The following IQCH variants were observed in gnomAD, a reference collection of about 807,000 sequenced individuals.
IQCH encodes the protein IQ motif containing H, also known as IQ domain-containing protein H.
In IQCH, 98 loss-of-function variants were observed where a neutral mutation model predicts 117.0. The observed-to-expected ratio is 0.84, with a 90% CI of 0.71 to 0.99. The LOEUF is 0.99. IQCH is among the 50% of genes least tolerant of loss of function. The probability of loss-of-function intolerance (pLI) is 0.00; values close to 1 mark genes in which losing one functional copy is unlikely to be tolerated. For synonymous variants in IQCH, 412 were observed against 448.2 expected, an observed-to-expected ratio of 0.92 and a Z score of 1.02; for missense variants, 1,102 against 1,243.8, an observed-to-expected ratio of 0.89 and a Z score of 1.72.
chr15:67,451,332 A>T (rs907360878), intron 16 of IQCH, among the ~76,000 whole-genome samples: 6 of 151,434 alleles, frequency 4.0e-5, no homozygotes, highest in African/African-American at 1.5e-4. Context: ...TCAATTTTAG[A>T]TCTTTCCTGC....
At chr15:67,256,637 C>G (rs1336088827) in intron 1 of IQCH, among the ~76,000 whole-genome samples, 1 of 152,040 alleles carries the variant, frequency 6.6e-6, no homozygotes, top group Non-Finnish European at 1.5e-5. Flanking sequence ...CTGCACATAC[C>G]CACTCTTTTT....
chr15:67,389,148 T>C, intron 12 of IQCH, 142 bp downstream of exon 12: 1 of 655,354 alleles, frequency 1.5e-6, no homozygotes, highest in East Asian at 2.7e-5. Context: ...TACTAGTTGG[T>C]CTGTAGGAAA....
chr15:67,286,176 T>A lies in IQCH; in HGVS notation c.387+6664T>A, dbSNP rs117324529. Among the ~76,000 whole-genome samples, 461 of 152,334 alleles carry A rather than the reference T, an allele frequency of 3.0e-3. 18 individuals carry two copies. The East Asian group carries it at 0.079, about 26-fold the overall frequency. ...CATCTTTTATTAATTCCTGGATATT[T>A]AATTTTACTTGTAGCTATTGTAAAT... On this transcript the variant is annotated intron_variant, in intron 4 of 20. Coordinates refer to ENST00000335894, the MANE Select transcript of IQCH (RefSeq NM_001031715.3).
intron 4 of IQCH, among the ~76,000 whole-genome samples, chr15:67,294,263 T>A (rs901652939): frequency 6.6e-6 from 1 of 152,224 alleles, no homozygotes; most frequent in African/African-American, 2.4e-5. Context: ...TGTCTTATTG[T>A]CTTTTCCTTC....
Position 67,395,293 on chromosome 15 carries a change from G to T in IQCH, c.1635G>T (p.Lys545Asn), listed in dbSNP as rs1466465178. 1.2e-6 allele frequency: 2 copies of T among 1,609,218 alleles called. No individual in the cohort carries two copies. Among genetic ancestry groups the T allele is most frequent in the Non-Finnish European group, 1.7e-6 (2 of 1,176,554 alleles). The change falls in exon 13 of 21, where the codon AAG (lysine) becomes AAT (asparagine). Residue 545 changes from lysine (K) to asparagine (N), a missense_variant and splice_region_variant. Physicochemically the swap from Lys to Asn is moderately conservative, Grantham distance 94. Around this residue, in one of 2 missense-constraint regions of IQCH, gnomAD observed 650 missense variants for 794.3 expected, o/e 0.82. Coordinates refer to ENST00000335894, the MANE Select transcript of IQCH (RefSeq NM_001031715.3). The surrounding 1 kb of genome is among the most constrained non-coding windows in gnomAD (Gnocchi z 4.0). ...AGAATAATATGATCTTCCCCCAGAA[G>T]CATCATATGTGCCTGGCCACTCACC... ...ITPEAVNIFP[K>N]HHMCLATHLM...
chr15:67,277,523 C>CCAGTATCTTT, intron 3 of IQCH, among the ~76,000 whole-genome samples: 1 of 142,628 alleles, frequency 7.0e-6, no homozygotes. Context: ...AGAGTTTCCT[C>CCAGTATCTTT]CAGTATCTTT....
intron 3 of IQCH, among the ~76,000 whole-genome samples, chr15:67,263,752 A>G (rs1655855459): frequency 6.6e-6 from 1 of 152,258 alleles, no homozygotes; most frequent in African/African-American, 2.4e-5. Context: ...TTGATTATAC[A>G]GATAATTTTG....
chr15:67,268,495 G>A (rs1965768072), intron 3 of IQCH, among the ~76,000 whole-genome samples: 1 of 152,134 alleles, frequency 6.6e-6, no homozygotes, highest in African/African-American at 2.4e-5. Context: ...TTTGCTTATT[G>A]ACACTGGGAG....
At chr15:67,352,427 T>C (rs755018484) in intron 6 of IQCH, among the ~76,000 whole-genome samples, 1 of 152,112 alleles carries the variant, frequency 6.6e-6, no homozygotes, top group African/African-American at 2.4e-5. Flanking sequence ...TCTCTGACTT[T>C]CAATACTGCA....
chr15:67,296,463 C>G (rs1181299279), intron 4 of IQCH, among the ~76,000 whole-genome samples: 1 of 152,020 alleles, frequency 6.6e-6, no homozygotes, highest in Non-Finnish European at 1.5e-5. Context: ...TTACGCCACC[C>G]TAAGGGAAAC....
chr15:67,489,875 A>G, intron 18 of IQCH, 128 bp from the exon 19 acceptor site: 1 of 759,184 alleles, frequency 1.3e-6, no homozygotes, highest in Non-Finnish European at 2.3e-6. Flanking sequence ...GTGTTCTCAT[A>G]ATATCTGAAG....
rs542235743 is a variant in IQCH at position 67,376,047 on chromosome 15, A to G, written c.1372+2614A>G. Among the ~76,000 whole-genome samples the G allele has an allele frequency of 6.6e-6, 1 of 152,224 alleles. No homozygotes were observed. Among genetic ancestry groups the G allele is most frequent in the Non-Finnish European group, 1.5e-5 (1 of 67,992 alleles). On this transcript the variant is annotated intron_variant, in intron 10 of 20. Transcript: ENST00000335894. This position sits in a 1 kb window ranked among gnomAD's most constrained non-coding sequence, Gnocchi z 5.0. Reference sequence around the variant, plus strand: ...AGTGATCCACCAGCCTCGGCCTCCCAAAGTGCTGGGATTATAGGTGTGAGC... The same window carrying G: ...AGTGATCCACCAGCCTCGGCCTCCCGAAGTGCTGGGATTATAGGTGTGAGC...
intron 16 of IQCH, among the ~76,000 whole-genome samples, chr15:67,450,188 T>C (rs1351969300): frequency 6.6e-6 from 1 of 152,198 alleles, no homozygotes; most frequent in Non-Finnish European, 1.5e-5. Flanking sequence ...TTTGACTTCC[T>C]CTTTTCCTAA....
chr15:67,394,238 C>T (rs570028002), intron 12 of IQCH, among the ~76,000 whole-genome samples: 1 of 152,202 alleles, frequency 6.6e-6, no homozygotes, highest in African/African-American at 2.4e-5. Flanking sequence ...CAACCTCTTT[C>T]ATAATAATAG....
chr15:67,330,068 G>A (rs1007179601), intron 4 of IQCH, among the ~76,000 whole-genome samples: 1 of 96,672 alleles, frequency 1.0e-5, no homozygotes, highest in Non-Finnish European at 2.5e-5. Flanking sequence ...TGTGATCTCC[G>A]GTGGCTACTC....
At chr15:67,429,017 C>A (rs1216759923) in intron 16 of IQCH, among the ~76,000 whole-genome samples, 1 of 152,158 alleles carries the variant, frequency 6.6e-6, no homozygotes, top group Non-Finnish European at 1.5e-5. Flanking sequence ...GAAACAGATT[C>A]TCCTCTAGAG....
intron 4 of IQCH, among the ~76,000 whole-genome samples, chr15:67,323,609 C>G (rs964575715): frequency 2.0e-5 from 3 of 151,884 alleles, no homozygotes; most frequent in Non-Finnish European, 4.4e-5. Context: ...TAAACTATAC[C>G]TCTTCATATT....
chr15:67,359,893 A>AT lies in IQCH; in HGVS notation c.753+11dup. 6.2e-7 allele frequency: 1 copy of AT among 1,611,236 alleles called. No individual in the cohort carries two copies. The highest frequency in any genetic ancestry group is 8.5e-7 in the Non-Finnish European group (1 of 1,177,430). ...GGACATCATGATAGGAAGGTCTGTAATTTGTGTGACTAGTTGAAATTTAGG... is the reference window on the plus strand; with the variant it reads ...GGACATCATGATAGGAAGGTCTGTAATTTTGTGTGACTAGTTGAAATTTAGG... On this transcript the variant is annotated intron_variant, in intron 8 of 20. Coordinates refer to ENST00000335894, the MANE Select transcript of IQCH (RefSeq NM_001031715.3). The surrounding 1 kb of genome is among the most constrained non-coding windows in gnomAD (Gnocchi z 4.5).
At chr15:67,358,490 C>G (rs563286774) in intron 7 of IQCH, among the ~76,000 whole-genome samples, 13 of 152,180 alleles carry the variant, frequency 8.5e-5, no homozygotes, top group Admixed American at 3.3e-4. Context: ...GCCACCACAC[C>G]GGGCCAAATT....
Sources: gnomAD v4.1 joint callset for allele counts (sites outside exome capture counted in the v4.1 genomes callset) on GRCh38, gnomAD v4.1.1 for gene constraint, gnomAD v4.1.1 regional missense constraint, Gnocchi (gnomAD v3.1) non-coding constraint, MANE v1.5 for transcripts, NCBI Gene and HGNC (gene_info 2026-07-23, HGNC 2026-07-21) for gene names.